Variants in SYNE1 observed in about 807,000 individuals in gnomAD.
SYNE1 encodes spectrin repeat containing nuclear envelope protein 1, also known as nesprin-1.
SYNE1 carries 616 observed loss-of-function variants against 1,111.0 expected under a neutral mutation model. The ratio of observed to expected loss-of-function variants is 0.55; its 90% CI spans 0.52 to 0.59. SYNE1 has a LOEUF of 0.59. Ranked by LOEUF, SYNE1 falls within the 20% of genes least tolerant of loss-of-function variation. The pLI is 0.00. For missense variants in SYNE1, 10,006 were observed against 10,417.0 expected (o/e 0.96, Z 1.72); for synonymous variants, 3,855 against 3,825.8 (o/e 1.01, Z -0.28).
intron 11 of SYNE1, among the ~76,000 whole-genome samples, chr6:152,490,460 A>G (rs2098964350): frequency 6.6e-6 from 1 of 152,136 alleles, no homozygotes; most frequent in Non-Finnish European, 1.5e-5. Flanking sequence ...CACCATTGTG[A>G]TTTGTTCCTG....
At chr6:152,245,182 T>C (rs1269428111) in intron 105 of SYNE1, among the ~76,000 whole-genome samples, 1 of 152,210 alleles carries the variant, frequency 6.6e-6, no homozygotes, top group East Asian at 1.9e-4. Flanking sequence ...TGGCTGCTAT[T>C]GCTAAGCCTT....
intron 132 of SYNE1, chr6:152,155,415 T>C (rs956059875): frequency 6.4e-6 from 2 of 313,668 alleles, no homozygotes; most frequent in Non-Finnish European, 1.2e-5. Context: ...GGAAAATCCA[T>C]TTAAGTCCAA....
chr6:152,298,975 T>C (rs1165257829), intron 93 of SYNE1, among the ~76,000 whole-genome samples: 1 of 152,212 alleles, frequency 6.6e-6, no homozygotes, highest in Non-Finnish European at 1.5e-5. Flanking sequence ...AATTGATGTT[T>C]TCCTGTGACT....
intron 25 of SYNE1, among the ~76,000 whole-genome samples, chr6:152,451,570 C>T (rs1302443865): frequency 6.8e-6 from 1 of 146,282 alleles, no homozygotes; most frequent in African/African-American, 2.5e-5. Flanking sequence ...GCAACCTCCA[C>T]ATCCTGGGTT....
At position 152,139,241 on chromosome 6, in the gene SYNE1, T is replaced by C. The variant is rs116349111; in HGVS notation, c.25458+709A>G. Among the ~76,000 whole-genome samples the C allele has an allele frequency of 4.5e-3, 691 of 152,264 alleles. 7 individuals are homozygous for C. The highest frequency in any genetic ancestry group is 0.016 in the African/African-American group (661 of 41,526). On this transcript the variant is annotated intron_variant, in intron 140 of 145. Transcript: ENST00000367255. The stretch of plus-strand genomic sequence containing the variant: ...CGTGTGTGCTTATTTACATGGTGTA[T>C]AGTTCTACAATATGGTCCCCTTTTC...
intron 12 of SYNE1, among the ~76,000 whole-genome samples, chr6:152,487,074 T>C (rs2098944927): frequency 6.6e-6 from 1 of 152,210 alleles, no homozygotes; most frequent in Non-Finnish European, 1.5e-5. Context: ...TATTTTAAGT[T>C]CTAGGGTACA....
At chr6:152,368,615 G>T in intron 61 of SYNE1, 1 of 224,060 alleles carries the variant, frequency 4.5e-6, no homozygotes, top group Non-Finnish European at 9.0e-6. Flanking sequence ...CAAAAACTCT[G>T]GGATTATTTA....
intron 3 of SYNE1, among the ~76,000 whole-genome samples, chr6:152,595,136 TG>T (rs1303330369): frequency 4.6e-5 from 7 of 152,332 alleles, no homozygotes; most frequent in Middle Eastern, 6.8e-3. Flanking sequence ...CTAAAAATAC[TG>T]GGGAGGACCA....
At chr6:152,482,977 T>C (rs2098916855) in intron 14 of SYNE1, 108 bp downstream of exon 14, 3 of 1,244,022 alleles carry the variant, frequency 2.4e-6, no homozygotes, top group Non-Finnish European at 3.5e-6. Flanking sequence ...TCCGATCATG[T>C]AGAATTAATA....
intron 3 of SYNE1, among the ~76,000 whole-genome samples, chr6:152,558,976 T>TTTTTTTTA (rs770035712): frequency 1.3e-4 from 18 of 139,964 alleles, no homozygotes; most frequent in African/African-American, 4.9e-4. Context: ...CATATTTAAT[T>TTTTTTTTA]TTTATTTATT....
chr6:152,486,229 AT>A (rs1313099053), intron 12 of SYNE1, among the ~76,000 whole-genome samples: 2 of 152,106 alleles, frequency 1.3e-5, no homozygotes, highest in South Asian at 2.1e-4. Flanking sequence ...CAACAAAAAA[AT>A]AAATTTAAAA....
Position 152,236,180 on chromosome 6 carries a change from A to T in SYNE1, c.20323T>A (p.Cys6775Ser). The change falls in exon 110 of 146, where the codon TGC (cysteine) becomes AGC (serine). Residue 6775 changes from cysteine (C) to serine (S), a missense_variant. Transcript: ENST00000367255. ...ATTTTATTGGTGTTACTTAGCCAGC[A>T]CTCTCCAAGTTGATTTAGTTGGCTT... is the stretch of plus-strand genomic sequence containing the variant. ...LESQLNQLGE[C>S]WLSNTNKMSK... 3.1e-6 allele frequency: 5 copies of T among 1,614,102 alleles called. No individual in the cohort carries two copies. Among genetic ancestry groups the T allele is most frequent in the Non-Finnish European group, 4.2e-6 (5 of 1,180,028 alleles).
chr6:152,326,676 A>C, intron 78 of SYNE1, 43 bp from the exon 79 acceptor site: 8 of 1,561,126 alleles, frequency 5.1e-6, no homozygotes, highest in Non-Finnish European at 6.1e-6. Context: ...CTCCTTTGCA[A>C]TGTGTTTGCA....
intron 84 of SYNE1, 51 bp downstream of exon 84, chr6:152,321,187 C>A: frequency 6.2e-7 from 1 of 1,605,030 alleles, no homozygotes; most frequent in Non-Finnish European, 8.5e-7. Context: ...CACAAGAGGA[C>A]TGACCCTATA....
chr6:152,272,457 C>T (rs190020416), intron 98 of SYNE1, among the ~76,000 whole-genome samples: 82 of 152,288 alleles, frequency 5.4e-4, no homozygotes, highest in African/African-American at 1.9e-3. Context: ...CTGGGCAGTG[C>T]TAAACATTAC....
intron 18 of SYNE1, 36 bp downstream of exon 18, chr6:152,465,222 T>G (rs2098757450): frequency 3.7e-6 from 6 of 1,608,888 alleles, no homozygotes; most frequent in East Asian, 4.5e-5. Flanking sequence ...TTTACATACA[T>G]CAAACGTCTT....
intron 105 of SYNE1, among the ~76,000 whole-genome samples, chr6:152,246,702 T>G (rs549632763): frequency 1.1e-3 from 161 of 152,184 alleles, no homozygotes; most frequent in Non-Finnish European, 1.6e-3. Flanking sequence ...AGCTGCCAAA[T>G]CAGAAGAGTC....
chr6:152,263,242 G>A (rs2092286562), intron 100 of SYNE1, among the ~76,000 whole-genome samples: 1 of 151,904 alleles, frequency 6.6e-6, no homozygotes, highest in South Asian at 2.1e-4. Context: ...AGCCTGGGAA[G>A]GTAGTACAGG....
At chr6:152,565,884 C>A (rs1344595601) in intron 3 of SYNE1, among the ~76,000 whole-genome samples, 1 of 152,102 alleles carries the variant, frequency 6.6e-6, no homozygotes, top group Non-Finnish European at 1.5e-5. Flanking sequence ...TCGTTTGTAG[C>A]CTTAAATGAG....
Sources: gnomAD v4.1 joint callset for allele counts (sites outside exome capture counted in the v4.1 genomes callset) on GRCh38, gnomAD v4.1.1 for gene constraint, MANE v1.5 for transcripts, NCBI Gene and HGNC (gene_info 2026-07-23, HGNC 2026-07-21) for gene names.